Variants in NCOA7 observed in about 807,000 individuals in gnomAD.
NCOA7 encodes 140 kDa estrogen receptor-associated protein.
A neutral mutation model predicts 104.3 loss-of-function variants in NCOA7; 45 were observed. The ratio of observed to expected loss-of-function variants is 0.43; its 90% confidence interval spans 0.34 to 0.55. The LOEUF (loss-of-function observed/expected upper bound fraction) is 0.55, where lower values mean the gene tolerates loss of function less well. NCOA7 is among the 20% of genes least tolerant of loss of function. NCOA7 has a pLI of 0.02. For missense variants in NCOA7, 1,041 were observed against 1,119.7 expected (o/e 0.93, Z 1.00); for synonymous variants, 398 against 402.3 (o/e 0.99, Z 0.13).
chr6:125,848,833 T>G (rs1780861375), intron 2 of NCOA7, among the ~76,000 whole-genome samples: 6 of 152,128 alleles, frequency 3.9e-5, no homozygotes. Flanking sequence ...CTAATAAACT[T>G]TATTTTAAAA....
chr6:125,797,236 G>A (rs1583228220), intron 1 of NCOA7, among the ~76,000 whole-genome samples: 1 of 152,240 alleles, frequency 6.6e-6, no homozygotes, highest in East Asian at 1.9e-4. Flanking sequence ...TGAGCCATTT[G>A]GAGAGAGTGG....
chr6:125,784,492 C>G (rs969392931), intron 1 of NCOA7, among the ~76,000 whole-genome samples: 2 of 152,188 alleles, frequency 1.3e-5, no homozygotes, highest in Non-Finnish European at 2.9e-5. Context: ...TCTTAAAAAA[C>G]TAAATATGCA....
chr6:125,797,131 C>G lies in NCOA7; in HGVS notation c.-65+6064C>G, dbSNP rs77078842. Among the ~76,000 whole-genome samples the G allele has an allele frequency of 1.7e-3, 259 of 152,236 alleles. 4 individuals carry two copies. In the East Asian group the frequency reaches 0.033, roughly 20 times the overall value. ...TTGGTACATAAAGGGACGAAAGCCT[C>G]CAAATAGGGTGTCACTGGAGTTTGG... On this transcript the variant is annotated intron_variant, in intron 1 of 15. Coordinates refer to ENST00000392477, the MANE Select transcript of NCOA7 (RefSeq NM_181782.5).
chr6:125,810,594 A>G (rs1776902181), intron 1 of NCOA7, among the ~76,000 whole-genome samples: 1 of 152,206 alleles, frequency 6.6e-6, no homozygotes, highest in Non-Finnish European at 1.5e-5. Context: ...GGCTTTTAAG[A>G]AGCCCATTAT....
intron 2 of NCOA7, among the ~76,000 whole-genome samples, chr6:125,828,627 C>T (rs1241853557): frequency 6.6e-6 from 1 of 152,114 alleles, no homozygotes; most frequent in Non-Finnish European, 1.5e-5. Flanking sequence ...AGGGATCCCT[C>T]AGGGATGTCC....
Position 125,877,923 on chromosome 6 carries a change from G to A in NCOA7, c.352-340G>A, listed in dbSNP as rs141517648. On this transcript the variant is annotated intron_variant, in intron 4 of 15. Coordinates refer to ENST00000392477, the MANE Select transcript of NCOA7 (RefSeq NM_181782.5). ...GAAAGTAGCCCCACTTCCCCTGAGG[G>A]TGGGGACTCTGTGTACATCGTATTT... 2.0e-3 allele frequency among the ~76,000 whole-genome samples: 303 copies of A among 152,296 alleles called. 1 individual carries two copies. Among genetic ancestry groups the A allele is most frequent in the African/African-American group, 6.8e-3 (282 of 41,554 alleles).
chr6:125,849,190 C>T (rs571793625), intron 2 of NCOA7, among the ~76,000 whole-genome samples: 2 of 152,296 alleles, frequency 1.3e-5, no homozygotes, highest in East Asian at 3.9e-4. Context: ...TCAGCTACTA[C>T]AAATGATTTC....
intron 14 of NCOA7, 70 bp downstream of exon 14, chr6:125,927,828 T>A: frequency 8.0e-7 from 1 of 1,256,190 alleles, no homozygotes; most frequent in East Asian, 2.3e-5. Context: ...GGGATAGGCA[T>A]TGGGGCAGCT....
At chr6:125,928,593 A>C in intron 15 of NCOA7, 43 bp from the exon 16 acceptor site, 5 of 1,577,306 alleles carry the variant, frequency 3.2e-6, no homozygotes, top group Non-Finnish European at 3.4e-6. Context: ...GTCATGTAAC[A>C]TAGAAGTGTT....
chr6:125,855,076 C>G lies in NCOA7; in HGVS notation c.107C>G (p.Thr36Arg), dbSNP rs1284126620. Residue 36 changes from threonine (T) to arginine (R), a missense_variant, in exon 3 of 16, where the codon ACA becomes AGA. Around this residue, in one of 2 missense-constraint regions of NCOA7, gnomAD observed 914 missense variants for 942.7 expected, o/e 0.97. Transcript: ENST00000392477. ...GCAGAGACAGCCTCAGCTGTAGCTA[C>G]AAGGACTCATACTGGGAAGGAAGAT... is the stretch of plus-strand genomic sequence containing the variant. The part of the protein sequence containing the change: ...QNAETASAVA[T>R]RTHTGKEDNN... The G allele has an allele frequency of 6.2e-7, 1 of 1,612,774 alleles. No individual in the cohort carries two copies. Among genetic ancestry groups the G allele is most frequent in the South Asian group, 1.1e-5 (1 of 91,030 alleles).
chr6:125,911,360 T>C lies in NCOA7; in HGVS notation c.2097-3973T>C, dbSNP rs543084388. 5.3e-5 allele frequency among the ~76,000 whole-genome samples: 8 copies of C among 152,326 alleles called. No individual in the cohort carries two copies. In the South Asian group the frequency reaches 1.7e-3, roughly 32 times the overall value. ...CCACTCAGCTTTTTCGCAACATGCC[T>C]CCCTTCTCTTTTTTGTAAAAGAGGA... On this transcript the variant is annotated intron_variant, in intron 10 of 15. Transcript: ENST00000392477.
intron 10 of NCOA7, among the ~76,000 whole-genome samples, chr6:125,903,805 A>C (rs186627379): frequency 6.6e-6 from 1 of 151,500 alleles, no homozygotes; most frequent in East Asian, 1.9e-4. Flanking sequence ...TCCTGGGTTC[A>C]AGCAATTCTT....
intron 4 of NCOA7, among the ~76,000 whole-genome samples, chr6:125,876,601 T>TA (rs202233696): frequency 0.016 from 2,115 of 129,614 alleles, 23 homozygotes; most frequent in African/African-American, 0.036. Context: ...GTAGTGACAG[T>TA]AAAAAAAAAA....
At position 125,928,695 on chromosome 6, in the gene NCOA7, G is replaced by A. The variant is rs752174194; in HGVS notation, c.2753G>A (p.Ser918Asn). Residue 918 changes from serine (S) to asparagine (N), a missense_variant, in exon 16 of 16, where the codon AGC (serine) becomes AAC (asparagine). Ser to Asn is a conservative substitution (Grantham distance 46). This residue lies in a region of NCOA7 where 127 missense variants were observed against 177.0 expected (regional missense o/e 0.72). Transcript: ENST00000392477. ...TACCACGGACGAAGCAACTCTTGCA[G>A]CACTTTCAATAATGATATTCTTTCC... ...DLYHGRSNSC[S>N]TFNNDILSKK... 2 of 1,613,588 alleles carry A rather than the reference G, an allele frequency of 1.2e-6. No individual in the cohort carries two copies. The highest frequency in any genetic ancestry group is 1.7e-5 in the Admixed American group (1 of 59,952).
At chr6:125,915,558 A>G (rs559069427) in intron 11 of NCOA7, 78 bp downstream of exon 11, 1 of 1,555,672 alleles carries the variant, frequency 6.4e-7, no homozygotes, top group South Asian at 1.1e-5. Context: ...TCCATGTAAC[A>G]GGCTGGTAAG....
intron 3 of NCOA7, among the ~76,000 whole-genome samples, chr6:125,874,354 G>A (rs2456110): frequency 0.42 from 64,415 of 152,038 alleles, 17,793 homozygotes; most frequent in African/African-American, 0.8. Flanking sequence ...AGTAAAATCC[G>A]TGGTCCAACT....
At chr6:125,890,565 A>AT (rs1447266788) in intron 9 of NCOA7, 77 bp from the exon 10 acceptor site, 47 of 1,397,112 alleles carry the variant, frequency 3.4e-5, no homozygotes, top group South Asian at 5.6e-5. Context: ...ATTGTGCACT[A>AT]TTTTTTTTAA....
intron 11 of NCOA7, among the ~76,000 whole-genome samples, chr6:125,918,954 GA>G (rs140335732): frequency 2.2e-4 from 30 of 134,996 alleles, no homozygotes; most frequent in Admixed American, 8.3e-4. Flanking sequence ...GGGCGGGGGA[GA>G]AAAAAAAAAG....
intron 1 of NCOA7, among the ~76,000 whole-genome samples, chr6:125,781,584 T>C (rs943117008): frequency 1.3e-5 from 2 of 152,334 alleles, no homozygotes; most frequent in South Asian, 2.1e-4. Context: ...CCAAGGAATC[T>C]TAGATCAAGT....
Sources: allele counts gnomAD v4.1 joint callset (sites outside exome capture counted in the v4.1 genomes callset), GRCh38; gene constraint gnomAD v4.1.1; regional missense constraint gnomAD v4.1.1; transcripts MANE v1.5; gene names NCBI Gene and HGNC (gene_info 2026-07-23, HGNC 2026-07-21).